Variants in FRYL observed in about 807,000 individuals in gnomAD.
FRYL encodes protein furry homolog-like.
In FRYL, 150 loss-of-function variants were observed where a neutral mutation model predicts 351.2. The ratio of observed to expected loss-of-function variants is 0.43; its 90% confidence interval spans 0.37 to 0.49. The LOEUF is 0.49. Among genes scored for constraint, FRYL ranks in the 20% least tolerant of loss-of-function variants. The pLI, the probability that FRYL is intolerant of heterozygous loss-of-function variation, is 0.00. For missense variants in FRYL, 3,036 were observed against 3,619.3 expected (o/e 0.84, Z 4.13); for synonymous variants, 1,153 against 1,257.1 (o/e 0.92, Z 1.75).
At chr4:48,779,947 A>G (rs1776492970) in intron 1 of FRYL, 131 bp downstream of exon 1, 1 of 151,658 alleles carries the variant, frequency 6.6e-6, no homozygotes, top group Non-Finnish European at 1.5e-5. Flanking sequence ...GCCCACCAGG[A>G]AGGACAGCTG....
At chr4:48,527,949 A>G in intron 52 of FRYL, 22 bp downstream of exon 52, 1 of 1,508,600 alleles carries the variant, frequency 6.6e-7, no homozygotes, top group Non-Finnish European at 8.9e-7. Context: ...AGACCTTGAC[A>G]CAGGTCTTCA....
In FRYL at chr4:48,659,276, C is replaced by T. The variant is rs185131611; in HGVS notation, c.-80-24786G>A. 1.9e-4 allele frequency among the ~76,000 whole-genome samples: 28 copies of T among 150,840 alleles called. No individual in the cohort carries two copies. The East Asian group carries it at 3.9e-3, about 21-fold the overall frequency. ...TGAGACACAAGAATTACTGGAACCC[C>T]GGAGGCGGAGGTTGCAGGGAGCCAA... On this transcript the variant is annotated intron_variant, in intron 3 of 63. Transcript: ENST00000358350.
At chr4:48,582,473 G>A (rs1408089670) in intron 20 of FRYL, 24 bp downstream of exon 20, 1 of 1,461,316 alleles carries the variant, frequency 6.8e-7, no homozygotes, top group East Asian at 2.3e-5. Context: ...ACATACAAAA[G>A]GACAATAGAA....
In FRYL at chr4:48,498,714, A is replaced by C. The variant is rs1395818989; in HGVS notation, c.*708T>G. ...ATGAAGAGTTAGATCTAATAAAATAACATTTCTTCAAAAATAATCTTGCAG... is the reference window on the plus strand; with the variant it reads ...ATGAAGAGTTAGATCTAATAAAATACCATTTCTTCAAAAATAATCTTGCAG... On this transcript the variant is annotated 3_prime_UTR_variant, in exon 64 of 64. Coordinates refer to ENST00000358350, the MANE Select transcript of FRYL (RefSeq NM_015030.2). The C allele has an allele frequency of 6.6e-6, 1 of 152,558 alleles. No homozygotes were observed. The highest frequency in any genetic ancestry group is 1.5e-5 in the Non-Finnish European group (1 of 68,040). The allele number at this position is 152,558 out of a possible 1,614,324, so 9.5% of individuals were successfully genotyped here.
chr4:48,564,692 T>C (rs866121340), intron 30 of FRYL, among the ~76,000 whole-genome samples: 13 of 152,212 alleles, frequency 8.5e-5, no homozygotes, highest in South Asian at 2.1e-4. Context: ...GAGAGACACA[T>C]ACCACTGTAT....
intron 1 of FRYL, among the ~76,000 whole-genome samples, chr4:48,758,800 T>TAGTG: frequency 6.6e-6 from 1 of 152,370 alleles, no homozygotes; most frequent in East Asian, 1.9e-4. Flanking sequence ...ATTGTGGCAC[T>TAGTG]ATTCACAATA....
At chr4:48,618,632 T>C (rs1750041955) in intron 7 of FRYL, 1 of 150,150 alleles carries the variant, frequency 6.7e-6, no homozygotes, top group Non-Finnish European at 1.5e-5. Flanking sequence ...CAGGCATTTA[T>C]ACTGATCTGG....
At chr4:48,709,107 A>C (rs1767731223) in intron 2 of FRYL, among the ~76,000 whole-genome samples, 7 of 151,760 alleles carry the variant, frequency 4.6e-5, no homozygotes, top group Admixed American at 4.6e-4. Flanking sequence ...TTTTTAGTAG[A>C]GACTGGGTTT....
intron 1 of FRYL, among the ~76,000 whole-genome samples, chr4:48,747,168 C>CA (rs1553880444): frequency 4.0e-5 from 6 of 150,966 alleles, no homozygotes; most frequent in South Asian, 2.1e-4. Flanking sequence ...CCTATCCCCC[C>CA]CCAAAAAAAG....
rs764712454 is a variant in FRYL, at chr4:48,563,040, C to T, written c.3597-52G>A. 6.2e-6 allele frequency: 7 copies of T among 1,120,788 alleles called. No individual in the cohort carries two copies. The South Asian group carries it at 7.9e-5, about 13-fold the overall frequency. The allele number at this position is 1,120,788 out of a possible 1,614,324, so 69.4% of individuals were successfully genotyped here. The stretch of plus-strand genomic sequence containing the variant: ...AAATAACAATGTTTAGAGGCTTTTG[C>T]ACCATTTAATAAATATGATATGCAA... On this transcript the variant is annotated intron_variant, in intron 31 of 63. Transcript: ENST00000358350.
intron 1 of FRYL, among the ~76,000 whole-genome samples, chr4:48,717,245 AC>A (rs1768963884): frequency 6.6e-6 from 1 of 151,342 alleles, no homozygotes; most frequent in Admixed American, 6.6e-5. Context: ...CACATTGTGC[AC>A]ATGTACCCTA....
rs1423183128 is a variant in FRYL at position 48,543,087 on chromosome 4, C to T, written c.5592+720G>A. Among the ~76,000 whole-genome samples, 3 of 152,246 alleles carry T rather than the reference C, an allele frequency of 2.0e-5. No homozygotes were observed. In the East Asian group the frequency reaches 5.8e-4, roughly 29 times the overall value. Reference sequence around the variant, plus strand: ...ATTTTCTTGATGTTCCTCAGAAAAGCCCTACTGCTTCTGCCTCAGGACCTT... The same window carrying T: ...ATTTTCTTGATGTTCCTCAGAAAAGTCCTACTGCTTCTGCCTCAGGACCTT... On this transcript the variant is annotated intron_variant, in intron 44 of 63. Coordinates refer to ENST00000358350, the MANE Select transcript of FRYL (RefSeq NM_015030.2).
At chr4:48,702,200 A>G (rs1360038571) in intron 2 of FRYL, among the ~76,000 whole-genome samples, 1 of 152,042 alleles carries the variant, frequency 6.6e-6, no homozygotes, top group Non-Finnish European at 1.5e-5. Context: ...TCATGCCTGT[A>G]ATCCCAGCAC....
At chr4:48,729,608 G>A (rs1413153496) in intron 1 of FRYL, among the ~76,000 whole-genome samples, 1 of 152,182 alleles carries the variant, frequency 6.6e-6, no homozygotes, top group African/African-American at 2.4e-5. Flanking sequence ...AACAGGGTCT[G>A]GAGTGGACCT....
chr4:48,550,889 T>C (rs1318463669), intron 37 of FRYL, among the ~76,000 whole-genome samples, 185 bp from the exon 38 acceptor site: 8 of 152,104 alleles, frequency 5.3e-5, no homozygotes, highest in African/African-American at 1.2e-4. Context: ...CTGGCCAACA[T>C]GGTGAAACCC....
intron 3 of FRYL, among the ~76,000 whole-genome samples, chr4:48,666,571 T>C (rs193127651): frequency 1.3e-5 from 2 of 152,260 alleles, no homozygotes; most frequent in Admixed American, 1.3e-4. Flanking sequence ...AACTTCATAA[T>C]CTTAATATTC....
chr4:48,747,100 T>C (rs1554258), intron 1 of FRYL, among the ~76,000 whole-genome samples: 77,433 of 151,900 alleles, frequency 0.51, 20,202 homozygotes, highest in South Asian at 0.61. Context: ...GGCTGGGAGA[T>C]TGGGGAGAGA....
chr4:48,555,771 T>C (rs775065402), intron 35 of FRYL, among the ~76,000 whole-genome samples: 1 of 152,260 alleles, frequency 6.6e-6, no homozygotes, highest in Non-Finnish European at 1.5e-5. Flanking sequence ...AAAGGCACTA[T>C]GCCTGTGGTA....
chr4:48,779,118 G>A (rs941248766), intron 1 of FRYL, among the ~76,000 whole-genome samples: 30 of 152,092 alleles, frequency 2.0e-4, no homozygotes, highest in Admixed American at 2.6e-4. Flanking sequence ...AGGATGGCAG[G>A]AAAGACCGGC....
Sources: allele counts gnomAD v4.1 joint callset (sites outside exome capture counted in the v4.1 genomes callset), GRCh38; gene constraint gnomAD v4.1.1; transcripts MANE v1.5; gene names NCBI Gene and HGNC (gene_info 2026-07-23, HGNC 2026-07-21).